WSCD2: variants seen among roughly 807,000 people sequenced by gnomAD.
WSCD2 encodes the protein sialate:O-sulfotransferase 2.
WSCD2 carries 28 observed loss-of-function variants against 55.7 expected under a neutral mutation model. That is an observed-to-expected ratio of 0.50 (90% CI 0.37 to 0.69). The LOEUF is 0.69. WSCD2 is among the 30% of genes least tolerant of loss of function. The pLI, the probability that WSCD2 is intolerant of heterozygous loss-of-function variation, is 0.00. For missense variants in WSCD2, 616 were observed against 762.1 expected, an observed-to-expected ratio of 0.81 and a Z score of 2.26; for synonymous variants, 301 against 301.9, an observed-to-expected ratio of 1.00 and a Z score of 0.03.
At chr12:108,149,593 C>G (rs1877754954) in intron 1 of WSCD2, among the ~76,000 whole-genome samples, 1 of 152,220 alleles carries the variant, frequency 6.6e-6, no homozygotes, top group Non-Finnish European at 1.5e-5. Context: ...GGGATGCTCT[C>G]TGGAGGCCAG....
intron 2 of WSCD2, among the ~76,000 whole-genome samples, chr12:108,198,167 C>A (rs73397895): frequency 0.012 from 1,774 of 151,878 alleles, 35 homozygotes; most frequent in African/African-American, 0.04. Context: ...GCCTGTTCTA[C>A]TGGACTGTCA....
At position 108,210,060 on chromosome 12, in the gene WSCD2, G is replaced by A; in HGVS notation, c.498-61G>A. 6.2e-7 allele frequency: 1 copy of A among 1,607,620 alleles called. No individual in the cohort carries two copies. ...CCCATCCCCCAGGTCTCCATGTTGT[G>A]TCTCCCTGCCTCGGGGTCTCCATGG... is the stretch of plus-strand genomic sequence containing the variant. On this transcript the variant is annotated intron_variant, in intron 3 of 8. Coordinates refer to ENST00000547525, the MANE Select transcript of WSCD2 (RefSeq NM_014653.4). This position sits in a 1 kb window ranked among gnomAD's most constrained non-coding sequence, Gnocchi z 4.3.
Position 108,196,220 on chromosome 12 carries a change from A to C in WSCD2, c.382+6A>C, listed in dbSNP as rs1242954835. The C allele has an allele frequency of 1.2e-6, 2 of 1,609,162 alleles. No individual in the cohort carries two copies. On this transcript the variant is annotated splice_donor_region_variant and intron_variant, in intron 2 of 8. Coordinates refer to ENST00000547525, the MANE Select transcript of WSCD2 (RefSeq NM_014653.4). ...GGAGAAGGAGGAAGAGCGAGGTAAG[A>C]GCGAGGAACATCTGGACACTGAGGG...
At chr12:108,196,319 G>A in intron 2 of WSCD2, 105 bp downstream of exon 2, 1 of 1,413,832 alleles carries the variant, frequency 7.1e-7, no homozygotes, top group Non-Finnish European at 9.4e-7. Flanking sequence ...GGAACCAGCT[G>A]TCATATCATT....
intron 1 of WSCD2, among the ~76,000 whole-genome samples, chr12:108,178,174 G>A (rs1187021733): frequency 1.3e-5 from 2 of 152,212 alleles, no homozygotes; most frequent in Non-Finnish European, 1.5e-5. Flanking sequence ...GTGTGTGTGG[G>A]AAGAATTTGC....
intron 7 of WSCD2, among the ~76,000 whole-genome samples, chr12:108,237,720 T>C (rs371709796): frequency 9.5e-4 from 144 of 152,354 alleles, no homozygotes; most frequent in African/African-American, 3.3e-3. Context: ...AGTACTCCTA[T>C]AGATAAACTC....
Position 108,195,641 on chromosome 12 carries a change from T to C in WSCD2, c.-192T>C, listed in dbSNP as rs1232720222. ...TTGGGAGGGCTGGTAAGCTCCATCC[T>C]TTCTCATGGCCTCAGCCAAGCATTG... On this transcript the variant is annotated 5_prime_UTR_variant, in exon 2 of 9. Transcript: ENST00000547525. 9.0e-6 allele frequency: 7 copies of C among 780,730 alleles called. No individual in the cohort carries two copies. In the Admixed American group the frequency reaches 1.5e-4, roughly 17 times the overall value. The allele number at this position is 780,730 out of a possible 1,614,324, so 48.4% of individuals were successfully genotyped here. A position where few individuals can be genotyped will look rare whatever the true frequency, so the allele number is the denominator to read the frequency against.
At chr12:108,142,086 C>G (rs1876883064) in intron 1 of WSCD2, among the ~76,000 whole-genome samples, 1 of 152,184 alleles carries the variant, frequency 6.6e-6, no homozygotes, top group African/African-American at 2.4e-5. Flanking sequence ...GCCCCCGTCT[C>G]CCTTCCTTTG....
chr12:108,146,936 A>C (rs1479599971), intron 1 of WSCD2, among the ~76,000 whole-genome samples: 2 of 152,238 alleles, frequency 1.3e-5, no homozygotes, highest in African/African-American at 4.8e-5. Flanking sequence ...CTTCATCCAT[A>C]CATACAAAAC....
intron 1 of WSCD2, among the ~76,000 whole-genome samples, chr12:108,165,963 C>T (rs578048817): frequency 3.3e-5 from 5 of 152,314 alleles, no homozygotes; most frequent in Admixed American, 2.6e-4. Context: ...GGTGTTGAAG[C>T]TCTATTAGCA....
At chr12:108,203,602 C>T (rs1479149999) in intron 2 of WSCD2, among the ~76,000 whole-genome samples, 1 of 152,204 alleles carries the variant, frequency 6.6e-6, no homozygotes, top group African/African-American at 2.4e-5. Flanking sequence ...GCTTTGAAGG[C>T]ACAAACAGTC....
At chr12:108,229,642 C>G (rs879484301) in intron 6 of WSCD2, among the ~76,000 whole-genome samples, 2 of 152,206 alleles carry the variant, frequency 1.3e-5, no homozygotes, top group East Asian at 1.9e-4. Context: ...AAACCCAGGT[C>G]GGTCTGATTC....
chr12:108,226,384 T>C (rs1888087837), intron 5 of WSCD2, among the ~76,000 whole-genome samples: 1 of 152,048 alleles, frequency 6.6e-6, no homozygotes, highest in African/African-American at 2.4e-5. Flanking sequence ...CTCCTTTGGC[T>C]TAAAAGAGCA....
In WSCD2 at chr12:108,248,452, A is replaced by C; in HGVS notation, c.*109A>C. Reference sequence around the variant, plus strand: ...TCTGTCCTCTCTTTGGTCTGGGGACAATCCCCTTGGCTGCTCTTTGCCTTC... The same window carrying C: ...TCTGTCCTCTCTTTGGTCTGGGGACCATCCCCTTGGCTGCTCTTTGCCTTC... On this transcript the variant is annotated 3_prime_UTR_variant, in exon 9 of 9. Coordinates refer to ENST00000547525, the MANE Select transcript of WSCD2 (RefSeq NM_014653.4). The surrounding 1 kb of genome is among the most constrained non-coding windows in gnomAD (Gnocchi z 4.3). 1 of 1,458,136 alleles carries C rather than the reference A, an allele frequency of 6.9e-7. No individual in the cohort carries two copies. The highest frequency in any genetic ancestry group is 9.0e-7 in the Non-Finnish European group (1 of 1,106,434). 90.3% of individuals were successfully genotyped at this position (1,458,136 alleles called of 1,614,324 possible).
intron 8 of WSCD2, among the ~76,000 whole-genome samples, chr12:108,241,152 A>G (rs777033223): frequency 2.6e-5 from 4 of 152,188 alleles, no homozygotes; most frequent in Non-Finnish European, 1.5e-5. Context: ...GGCGAGGCTC[A>G]GAGAGGTTAA....
intron 7 of WSCD2, among the ~76,000 whole-genome samples, chr12:108,237,936 A>AAAATATT (rs1376710053): frequency 6.6e-6 from 1 of 152,178 alleles, no homozygotes; most frequent in Non-Finnish European, 1.5e-5. Context: ...TGTTTCTGGC[A>AAAATATT]ATTTATTTTC....
chr12:108,210,012 G>A lies in WSCD2; in HGVS notation c.498-109G>A. The A allele has an allele frequency of 6.9e-7, 1 of 1,447,854 alleles. No individual in the cohort carries two copies. The highest frequency in any genetic ancestry group is 1.9e-5 in the Admixed American group (1 of 53,620). 89.7% of individuals were successfully genotyped at this position (1,447,854 alleles called of 1,614,324 possible). Reference sequence around the variant, plus strand: ...TCAGCAGTCTCCCCATTTCCCCTGGGATCTCCTGGTCCCCAGAGCCCTCCC... The same window carrying A: ...TCAGCAGTCTCCCCATTTCCCCTGGAATCTCCTGGTCCCCAGAGCCCTCCC... On this transcript the variant is annotated intron_variant, in intron 3 of 8. Coordinates refer to ENST00000547525, the MANE Select transcript of WSCD2 (RefSeq NM_014653.4). This position sits in a 1 kb window ranked among gnomAD's most constrained non-coding sequence, Gnocchi z 4.3.
chr12:108,228,671 G>C (rs2137178526), intron 6 of WSCD2, among the ~76,000 whole-genome samples: 1 of 152,354 alleles, frequency 6.6e-6, no homozygotes, highest in Non-Finnish European at 1.5e-5. Context: ...CAGAACATCT[G>C]TCCAGAGGAA....
chr12:108,140,101 GA>G (rs1876632485), intron 1 of WSCD2, among the ~76,000 whole-genome samples: 1 of 152,220 alleles, frequency 6.6e-6, no homozygotes, highest in Non-Finnish European at 1.5e-5. Context: ...ACACGGGGTA[GA>G]ATGATGGCAT....
Sources: allele counts gnomAD v4.1 joint callset (sites outside exome capture counted in the v4.1 genomes callset), GRCh38; gene constraint gnomAD v4.1.1; non-coding constraint Gnocchi (gnomAD v3.1); transcripts MANE v1.5; gene names NCBI Gene and HGNC (gene_info 2026-07-23, HGNC 2026-07-21).